The following CSMD1 variants were observed in gnomAD, a reference collection of about 807,000 sequenced individuals.
CSMD1 encodes the protein CUB and Sushi multiple domains 1.
Under a neutral mutation model 417.5 loss-of-function variants are expected in CSMD1, and 213 were observed. That is an observed-to-expected ratio of 0.51 (90% CI 0.46 to 0.57). CSMD1 has a LOEUF of 0.57. Among genes scored for constraint, CSMD1 ranks in the 20% least tolerant of loss-of-function variants. The probability of loss-of-function intolerance (pLI) is 0.00; values close to 1 mark genes in which losing one functional copy is unlikely to be tolerated. For missense variants in CSMD1, 6,923 were observed against 4,529.7 expected (o/e 1.53, Z -15.17); for synonymous variants, 2,862 against 1,736.8 (o/e 1.65, Z -16.11).
chr8:3,754,478 G>A lies in CSMD1; in HGVS notation c.819-436C>T, dbSNP rs868216753. Reference sequence around the variant, plus strand: ...TTTATTTATTTATTTATTTTGAGACGGAGTCTCACTGTGTCATCCAGGCTG... The same window carrying A: ...TTTATTTATTTATTTATTTTGAGACAGAGTCTCACTGTGTCATCCAGGCTG... On this transcript the variant is annotated intron_variant, in intron 5 of 69. Transcript: ENST00000635120. 2.7e-4 allele frequency among the ~76,000 whole-genome samples: 35 copies of A among 127,284 alleles called. No individual in the cohort carries two copies. In the Middle Eastern group the frequency reaches 0.013, roughly 47 times the overall value. 83.5% of individuals were successfully genotyped at this position (127,284 alleles called of 152,430 possible). A position where few individuals can be genotyped will look rare whatever the true frequency, so the allele number is the denominator to read the frequency against.
At chr8:4,658,836 G>A (rs981307030) in intron 1 of CSMD1, among the ~76,000 whole-genome samples, 1 of 152,100 alleles carries the variant, frequency 6.6e-6, no homozygotes, top group Non-Finnish European at 1.5e-5. Context: ...GATATAATAT[G>A]TTCCTATGTG....
chr8:3,484,862 A>G (rs1195558917), intron 11 of CSMD1, among the ~76,000 whole-genome samples: 1 of 152,228 alleles, frequency 6.6e-6, no homozygotes, highest in Non-Finnish European at 1.5e-5. Flanking sequence ...ATGCAAATTT[A>G]AACCACAACG....
rs989290217 is a variant in CSMD1, at chr8:3,070,249, T to C, written c.7474+16848A>G. On this transcript the variant is annotated intron_variant, in intron 49 of 69. Coordinates refer to ENST00000635120, the MANE Select transcript of CSMD1 (RefSeq NM_033225.6). ...TTAGCACTTAGCTCCCTTTTAGTCATGTAAATTTCTCTAACAAGTAGCTGC... is the reference window on the plus strand; with the variant it reads ...TTAGCACTTAGCTCCCTTTTAGTCACGTAAATTTCTCTAACAAGTAGCTGC... 7.9e-5 allele frequency among the ~76,000 whole-genome samples: 12 copies of C among 152,370 alleles called. No homozygotes were observed. The South Asian group carries it at 1.7e-3, about 21-fold the overall frequency.
At chr8:3,672,958 G>A (rs977189276) in intron 7 of CSMD1, among the ~76,000 whole-genome samples, 5 of 152,196 alleles carry the variant, frequency 3.3e-5, no homozygotes, top group Non-Finnish European at 5.9e-5. Flanking sequence ...AACTTATCTC[G>A]TTATTCCTAT....
At chr8:4,280,821 A>C (rs895140767) in intron 3 of CSMD1, among the ~76,000 whole-genome samples, 1 of 152,206 alleles carries the variant, frequency 6.6e-6, no homozygotes, top group South Asian at 2.1e-4. Context: ...AAAATGTATA[A>C]ATTATAAGAC....
intron 20 of CSMD1, among the ~76,000 whole-genome samples, chr8:3,360,854 CT>C (rs10707445): frequency 0.21 from 29,472 of 143,370 alleles, 2,887 homozygotes; most frequent in South Asian, 0.29. Context: ...TCTGATCCTT[CT>C]TTTTTTTTTT....
rs368358875 is a variant in CSMD1, at chr8:4,216,835, G to T, written c.416-184736C>A. Among the ~76,000 whole-genome samples the T allele has an allele frequency of 1.6e-4, 24 of 152,154 alleles. 1 individual carries two copies. The highest frequency in any genetic ancestry group is 5.2e-4 in the Admixed American group (8 of 15,280). On this transcript the variant is annotated intron_variant, in intron 3 of 69. Coordinates refer to ENST00000635120, the MANE Select transcript of CSMD1 (RefSeq NM_033225.6). ...CAACACAAGAAAGAGGTAAACATGAGGATGGGGTGTCAGACCCACACCAGC... is the reference window on the plus strand; with the variant it reads ...CAACACAAGAAAGAGGTAAACATGATGATGGGGTGTCAGACCCACACCAGC...
intron 3 of CSMD1, among the ~76,000 whole-genome samples, chr8:4,382,270 C>T (rs996177728): frequency 3.2e-4 from 48 of 152,302 alleles, no homozygotes; most frequent in African/African-American, 1.1e-3. Context: ...GACCTGACAG[C>T]ACTGGGGCTT....
At chr8:3,448,145 T>C (rs745984909) in intron 12 of CSMD1, among the ~76,000 whole-genome samples, 1 of 150,722 alleles carries the variant, frequency 6.6e-6, no homozygotes. Context: ...AAGTGAGGGA[T>C]ACAGGGAGCC....
intron 3 of CSMD1, among the ~76,000 whole-genome samples, chr8:4,044,228 T>C (rs1040000897): frequency 9.9e-5 from 15 of 152,256 alleles, no homozygotes; most frequent in African/African-American, 2.9e-4. Context: ...CAAATACAAA[T>C]AACTTATTTT....
intron 4 of CSMD1, among the ~76,000 whole-genome samples, chr8:4,003,867 T>A (rs1482350250): frequency 6.6e-6 from 1 of 152,082 alleles, no homozygotes; most frequent in Non-Finnish European, 1.5e-5. Flanking sequence ...ATCCAAAACG[T>A]GTGATAAAAT....
intron 1 of CSMD1, among the ~76,000 whole-genome samples, chr8:4,730,921 T>C (rs1230281824): frequency 2.6e-5 from 4 of 152,170 alleles, no homozygotes; most frequent in Admixed American, 2.0e-4. Context: ...TTTCCAGTCA[T>C]TCCTGAGGCA....
chr8:4,509,073 G>C (rs897958967), intron 2 of CSMD1, among the ~76,000 whole-genome samples: 10 of 152,062 alleles, frequency 6.6e-5, no homozygotes, highest in South Asian at 2.1e-4. Context: ...TAGAAGAGGA[G>C]AGTGAAGAAT....
intron 23 of CSMD1, among the ~76,000 whole-genome samples, chr8:3,316,225 A>G (rs1328313133): frequency 2.6e-5 from 4 of 152,234 alleles, no homozygotes; most frequent in African/African-American, 9.6e-5. Context: ...GGTGCTAACT[A>G]TATACTGTAT....
At chr8:4,912,906 T>G (rs188542098) in intron 1 of CSMD1, among the ~76,000 whole-genome samples, 101 of 152,172 alleles carry the variant, frequency 6.6e-4, no homozygotes, top group Non-Finnish European at 1.2e-3. Flanking sequence ...CTGCCTCAGC[T>G]TCCCAAGTAG....
chr8:3,418,039 G>C (rs546619844), intron 12 of CSMD1, among the ~76,000 whole-genome samples: 1 of 152,180 alleles, frequency 6.6e-6, no homozygotes, highest in Admixed American at 6.5e-5. Context: ...TTAAAATGAT[G>C]TGTGATCGTG....
In CSMD1 at chr8:3,700,156, G is replaced by A. The variant is rs1040685585; in HGVS notation, c.1009+8258C>T. On this transcript the variant is annotated intron_variant, in intron 7 of 69. Coordinates refer to ENST00000635120, the MANE Select transcript of CSMD1 (RefSeq NM_033225.6). ...TAAAAGACAACAAATATGGTGCAGC[G>A]TATACTGCTCAGGTAATGGGTGCAC... 1.1e-4 allele frequency among the ~76,000 whole-genome samples: 17 copies of A among 152,236 alleles called. No individual in the cohort carries two copies. The East Asian group carries it at 1.9e-3, about 17-fold the overall frequency.
At chr8:4,303,344 C>G (rs549329995) in intron 3 of CSMD1, among the ~76,000 whole-genome samples, 2 of 151,428 alleles carry the variant, frequency 1.3e-5, no homozygotes, top group Non-Finnish European at 2.9e-5. Context: ...CAAAAATTAG[C>G]ATCTTCCATC....
In CSMD1 at chr8:4,189,938, A is replaced by G. The variant is rs184167094; in HGVS notation, c.416-157839T>C. Among the ~76,000 whole-genome samples, 69 of 152,004 alleles carry G rather than the reference A, an allele frequency of 4.5e-4. No homozygotes were observed. The South Asian group carries it at 7.1e-3, about 16-fold the overall frequency. On this transcript the variant is annotated intron_variant, in intron 3 of 69. Transcript: ENST00000635120. ...TCTTTTGCATATTTTTTTTTTCTAA[A>G]AAGCAGAGAGCATAGTGTAGTGCTT... is the stretch of plus-strand genomic sequence containing the variant.
Sources: gnomAD v4.1 joint callset for allele counts (sites outside exome capture counted in the v4.1 genomes callset) on GRCh38, gnomAD v4.1.1 for gene constraint, MANE v1.5 for transcripts, NCBI Gene and HGNC (gene_info 2026-07-23, HGNC 2026-07-21) for gene names.